CFAP61: variants seen among roughly 807,000 people sequenced by gnomAD.
CFAP61 encodes cilia and flagella associated protein 61.
A neutral mutation model predicts 135.6 loss-of-function variants in CFAP61; 107 were observed. The observed-to-expected ratio is 0.79, with a 90% CI of 0.67 to 0.93. The LOEUF is 0.93. Among genes scored for constraint, CFAP61 ranks in the 40% least tolerant of loss-of-function variants. CFAP61 has a pLI of 0.00. For synonymous variants in CFAP61, 575 were observed against 578.5 expected, an observed-to-expected ratio of 0.99 and a Z score of 0.09; for missense variants, 1,507 against 1,556.2, an observed-to-expected ratio of 0.97 and a Z score of 0.53.
intron 18 of CFAP61, among the ~76,000 whole-genome samples, chr20:20,239,655 A>C (rs977338065): frequency 6.6e-6 from 1 of 152,192 alleles, no homozygotes; most frequent in African/African-American, 2.4e-5. Flanking sequence ...AAGGTCAAAA[A>C]GCTAGAAGTG....
chr20:20,162,716 A>G (rs1053468721), intron 10 of CFAP61, among the ~76,000 whole-genome samples: 3 of 152,214 alleles, frequency 2.0e-5, no homozygotes, highest in African/African-American at 7.2e-5. Flanking sequence ...ATTATCTCAA[A>G]CGCCTGATCA....
At chr20:20,056,978 C>T (rs1458450656) in intron 2 of CFAP61, among the ~76,000 whole-genome samples, 182 bp downstream of exon 2, 1 of 151,972 alleles carries the variant, frequency 6.6e-6, no homozygotes, top group Admixed American at 6.5e-5. Flanking sequence ...ATCAGCTGGG[C>T]GTGGTGGCGC....
chr20:20,152,054 T>C (rs1443983896), intron 9 of CFAP61, among the ~76,000 whole-genome samples: 3 of 152,076 alleles, frequency 2.0e-5, no homozygotes, highest in Non-Finnish European at 4.4e-5. Context: ...AGGGATTGGG[T>C]CCTATCTTTA....
chr20:20,212,321 A>T (rs189057631), intron 17 of CFAP61, among the ~76,000 whole-genome samples: 1 of 152,164 alleles, frequency 6.6e-6, no homozygotes, highest in East Asian at 1.9e-4. Flanking sequence ...TCTCTCTCAC[A>T]CACACACCAG....
chr20:20,115,880 G>A (rs932388858), intron 8 of CFAP61, among the ~76,000 whole-genome samples: 5 of 152,104 alleles, frequency 3.3e-5, no homozygotes, highest in Admixed American at 6.5e-5. Context: ...TGGCTATTGC[G>A]AATAGTGCTG....
In CFAP61 at chr20:20,307,076, GTCT is replaced by G. The variant is rs1391764415; in HGVS notation, c.3422+8695_3422+8697del. 2.0e-5 allele frequency among the ~76,000 whole-genome samples: 3 copies of G among 152,262 alleles called. No individual in the cohort carries two copies. The East Asian group carries it at 5.8e-4, about 29-fold the overall frequency. The stretch of plus-strand genomic sequence containing the variant: ...TCAGTTATCCATAGCCCCCGCCCTT[GTCT>G]TCTTAGCTGCCACCCCGACCACCCT... On this transcript the variant is annotated intron_variant, in intron 25 of 26. Coordinates refer to ENST00000245957, the MANE Select transcript of CFAP61 (RefSeq NM_015585.4).
intron 2 of CFAP61, among the ~76,000 whole-genome samples, chr20:20,064,201 T>C (rs1362562897): frequency 7.2e-5 from 11 of 152,214 alleles, no homozygotes; most frequent in Admixed American, 7.2e-4. Context: ...GCATTTGCTA[T>C]GCACTGTGAC....
chr20:20,230,268 G>C (rs193147300), intron 18 of CFAP61, among the ~76,000 whole-genome samples: 1 of 152,008 alleles, frequency 6.6e-6, no homozygotes, highest in Non-Finnish European at 1.5e-5. Flanking sequence ...CACAGATTAC[G>C]TACACTAAAA....
intron 21 of CFAP61, among the ~76,000 whole-genome samples, chr20:20,272,023 G>T (rs1257770431): frequency 6.6e-6 from 1 of 152,140 alleles, no homozygotes; most frequent in Non-Finnish European, 1.5e-5. Context: ...GAGTTATAAA[G>T]TACACAATGG....
At chr20:20,156,268 C>T (rs1002482688) in intron 9 of CFAP61, among the ~76,000 whole-genome samples, 14 of 151,948 alleles carry the variant, frequency 9.2e-5, no homozygotes, top group Non-Finnish European at 1.3e-4. Context: ...ATAAGAAAAT[C>T]GGTGTAATTC....
At chr20:20,193,333 A>G (rs1401062245) in intron 15 of CFAP61, among the ~76,000 whole-genome samples, 1 of 152,110 alleles carries the variant, frequency 6.6e-6, no homozygotes, top group Non-Finnish European at 1.5e-5. Flanking sequence ...TTTCTATCTT[A>G]TTAAAAGTTT....
chr20:20,167,136 T>G (rs1291052871), intron 12 of CFAP61, among the ~76,000 whole-genome samples: 3 of 152,224 alleles, frequency 2.0e-5, no homozygotes, highest in Non-Finnish European at 4.4e-5. Flanking sequence ...ACAACTGTAC[T>G]TCTCCAGTTG....
Position 20,206,519 on chromosome 20 carries a change from A to G in CFAP61, c.1932+6617A>G, listed in dbSNP as rs1051022270. ...CTCTGGACATTTCATACAAGTTGCAACATATACTATGCGGTATTTTGTAAT... is the reference window on the plus strand; with the variant it reads ...CTCTGGACATTTCATACAAGTTGCAGCATATACTATGCGGTATTTTGTAAT... On this transcript the variant is annotated intron_variant, in intron 17 of 26. Transcript: ENST00000245957. Among the ~76,000 whole-genome samples, 6 of 152,162 alleles carry G rather than the reference A, an allele frequency of 3.9e-5. No individual in the cohort carries two copies. The South Asian group carries it at 1.2e-3, about 31-fold the overall frequency.
chr20:20,130,764 G>A (rs771349604), intron 8 of CFAP61, among the ~76,000 whole-genome samples: 1 of 151,776 alleles, frequency 6.6e-6, no homozygotes, highest in South Asian at 2.1e-4. Flanking sequence ...GGGACCTGTG[G>A]AACAAATCTC....
At chr20:20,116,665 A>AC (rs975545907) in intron 8 of CFAP61, among the ~76,000 whole-genome samples, 15 of 152,122 alleles carry the variant, frequency 9.9e-5, no homozygotes, top group African/African-American at 3.6e-4. Context: ...AACTGTAGTC[A>AC]CCCTACTGAT....
chr20:20,089,319 G>C (rs1024509815), intron 6 of CFAP61, among the ~76,000 whole-genome samples: 1 of 152,014 alleles, frequency 6.6e-6, no homozygotes, highest in African/African-American at 2.4e-5. Flanking sequence ...GAAAATGGCA[G>C]TGCCACCCTC....
At chr20:20,257,711 T>C (rs1254401301) in intron 20 of CFAP61, among the ~76,000 whole-genome samples, 1 of 151,224 alleles carries the variant, frequency 6.6e-6, no homozygotes, top group Non-Finnish European at 1.5e-5. Flanking sequence ...CCACAAACAA[T>C]TTAAAAATGT....
chr20:20,296,417 TTCTTTC>T (rs1195471991), intron 24 of CFAP61, among the ~76,000 whole-genome samples: 1 of 137,532 alleles, frequency 7.3e-6, no homozygotes, highest in African/African-American at 2.7e-5. Flanking sequence ...TTTCTTTCTT[TTCTTTC>T]TTCCTCCCTC....
At chr20:20,217,994 C>T (rs2048148457) in intron 17 of CFAP61, among the ~76,000 whole-genome samples, 1 of 152,216 alleles carries the variant, frequency 6.6e-6, no homozygotes, top group Non-Finnish European at 1.5e-5. Flanking sequence ...AAACTTGTTC[C>T]CTCTTGTTCA....
Sources: gnomAD v4.1 joint callset for allele counts (sites outside exome capture counted in the v4.1 genomes callset) on GRCh38, gnomAD v4.1.1 for gene constraint, MANE v1.5 for transcripts, NCBI Gene and HGNC (gene_info 2026-07-23, HGNC 2026-07-21) for gene names.